MIER3: variants seen among roughly 807,000 people sequenced by gnomAD.
The protein encoded by MIER3 is mesoderm induction early response protein 3.
Under a neutral mutation model 63.2 loss-of-function variants are expected in MIER3, and 9 were observed. The observed-to-expected ratio is 0.14, with a 90% CI of 0.09 to 0.25. MIER3 has a LOEUF of 0.25. Among genes scored for constraint, MIER3 ranks in the 10% least tolerant of loss-of-function variants. MIER3 has a pLI of 1.00. For synonymous variants in MIER3, 205 were observed against 224.9 expected, an observed-to-expected ratio of 0.91 and a Z score of 0.79; for missense variants, 512 against 666.2, an observed-to-expected ratio of 0.77 and a Z score of 2.55.
intron 3 of MIER3, among the ~76,000 whole-genome samples, chr5:56,939,610 G>A (rs1750569782): frequency 6.6e-6 from 1 of 152,164 alleles, no homozygotes; most frequent in Non-Finnish European, 1.5e-5. Flanking sequence ...TGAGAAAACT[G>A]TGGCTTAATT....
Position 56,947,043 on chromosome 5 carries a change from A to G in MIER3, c.63T>C (p.Asp21=). Residue 21 remains aspartate, a synonymous_variant, in exon 3 of 13, where the codon GAT becomes GAC. Coordinates refer to ENST00000381199, the MANE Select transcript of MIER3 (RefSeq NM_001297599.2). ...PVGSLSSEDH[D]FDPTAEMLVH... ...CCAACATCTCAGCAGTGGGGTCAAA[A>G]TCATGATCCTCAGAAGACAAAGACC... 6.2e-7 allele frequency: 1 copy of G among 1,609,648 alleles called. No homozygotes were observed. The highest frequency in any genetic ancestry group is 8.5e-7 in the Non-Finnish European group (1 of 1,178,646).
intron 4 of MIER3, 91 bp from the exon 5 acceptor site, chr5:56,937,789 C>CAA: frequency 9.0e-7 from 1 of 1,110,344 alleles, no homozygotes; most frequent in Non-Finnish European, 1.2e-6. Context: ...CATTAAGAAG[C>CAA]AGTTGGAACC....
In MIER3 at chr5:56,938,934, A is replaced by G. The variant is rs201940726; in HGVS notation, c.264T>C (p.Asn88=). 1 of 1,614,120 alleles carries G rather than the reference A, an allele frequency of 6.2e-7. No homozygotes were observed. The highest frequency in any genetic ancestry group is 1.1e-5 in the South Asian group (1 of 91,082). Residue 88 remains asparagine, a synonymous_variant, in exon 4 of 13, where the codon AAT becomes AAC. Coordinates refer to ENST00000381199, the MANE Select transcript of MIER3 (RefSeq NM_001297599.2). ...TIPAVANSSA[N]SSPSELADEL... is the part of the protein sequence containing the mutation. ...CATCTGCCAGTTCACTTGGGGAACT[A>G]TTTGCACTGGAATTTGCAACTGCTG... is the stretch of plus-strand genomic sequence containing the variant.
At chr5:56,928,912 G>T in intron 9 of MIER3, 51 bp from the exon 10 acceptor site, 1 of 1,291,922 alleles carries the variant, frequency 7.7e-7, no homozygotes, top group Non-Finnish European at 1.1e-6. Context: ...TTTCTTATGT[G>T]AATCACTGAT....
chr5:56,930,028 A>T (rs967017592), intron 9 of MIER3, among the ~76,000 whole-genome samples: 1 of 152,224 alleles, frequency 6.6e-6, no homozygotes, highest in Non-Finnish European at 1.5e-5. Flanking sequence ...ATCTCAATTC[A>T]TAAGTTTAAA....
intron 7 of MIER3, 84 bp downstream of exon 7, chr5:56,935,344 T>C (rs1750405517): frequency 7.7e-6 from 8 of 1,035,510 alleles, no homozygotes; most frequent in Non-Finnish European, 1.1e-5. Flanking sequence ...TTGCCAAGGC[T>C]GGTATAAAGC....
At chr5:56,949,923 AC>A (rs1339313628) in intron 2 of MIER3, among the ~76,000 whole-genome samples, 1 of 152,214 alleles carries the variant, frequency 6.6e-6, no homozygotes, top group East Asian at 1.9e-4. Flanking sequence ...GTCCTTATGG[AC>A]CTGCTACAGG....
chr5:56,928,652 A>T, intron 10 of MIER3, 115 bp downstream of exon 10: 1 of 486,150 alleles, frequency 2.1e-6, no homozygotes, highest in Non-Finnish European at 3.5e-6. Flanking sequence ...GATATCTGAA[A>T]TGCTATAAGG....
chr5:56,949,173 T>A (rs958728179), intron 2 of MIER3, among the ~76,000 whole-genome samples: 8 of 152,138 alleles, frequency 5.3e-5, no homozygotes, highest in African/African-American at 1.7e-4. Context: ...CTAGCCAGCA[T>A]GGTGAAACCC....
chr5:56,924,635 A>G (rs76294617), intron 10 of MIER3, among the ~76,000 whole-genome samples: 3,031 of 152,282 alleles, frequency 0.02, 111 homozygotes, highest in African/African-American at 0.068. Context: ...TCCCTCCAGT[A>G]TGTTTGGTTT....
At chr5:56,946,290 T>C (rs1207637891) in intron 3 of MIER3, among the ~76,000 whole-genome samples, 1 of 152,172 alleles carries the variant, frequency 6.6e-6, no homozygotes, top group Non-Finnish European at 1.5e-5. Context: ...ATCCTACACG[T>C]TTTCAAGGTG....
chr5:56,951,702 G>T (rs976396983), intron 1 of MIER3, among the ~76,000 whole-genome samples: 22 of 152,114 alleles, frequency 1.4e-4, no homozygotes, highest in African/African-American at 4.6e-4. Context: ...GCCGCGGAGG[G>T]GGGGCTCCGC....
In MIER3 at chr5:56,923,505, T is replaced by C; in HGVS notation, c.1276A>G (p.Thr426Ala). 1 of 1,614,162 alleles carries C rather than the reference T, an allele frequency of 6.2e-7. No homozygotes were observed. The highest frequency in any genetic ancestry group is 8.5e-7 in the Non-Finnish European group (1 of 1,180,024). Residue 426 changes from threonine (T) to alanine (A), a missense_variant, in exon 13 of 13, where the codon ACA (threonine) becomes GCA (alanine). Coordinates refer to ENST00000381199, the MANE Select transcript of MIER3 (RefSeq NM_001297599.2). ...LDDSFPPLGN[T>A]PRGQVNHVPV... ...ACATGATTAACTTGTCCACGGGGTG[T>C]GTTGCCCAGTGGAGGAAAGCTATCA... is the stretch of plus-strand genomic sequence containing the variant.
Position 56,935,662 on chromosome 5 carries a change from T to C in MIER3, c.522+4A>G. 6.2e-7 allele frequency: 1 copy of C among 1,612,516 alleles called. No homozygotes were observed. On this transcript the variant is annotated splice_donor_region_variant and intron_variant, in intron 6 of 12. Transcript: ENST00000381199. ...ATTTAGTCCACTATATTAACTCAGC[T>C]TACCTTCCTCAAATCTTCAGGTGAA... is the stretch of plus-strand genomic sequence containing the variant.
chr5:56,930,624 T>A (rs1750228820), intron 9 of MIER3, 40 bp downstream of exon 9: 2 of 1,532,942 alleles, frequency 1.3e-6, no homozygotes, highest in Non-Finnish European at 1.8e-6. Context: ...CAAATGACCA[T>A]CCCTGTCATG....
At chr5:56,926,921 C>T (rs896387123) in intron 10 of MIER3, among the ~76,000 whole-genome samples, 2 of 151,980 alleles carry the variant, frequency 1.3e-5, no homozygotes, top group Non-Finnish European at 2.9e-5. Flanking sequence ...TCAAAACAAA[C>T]ACAAACAAAC....
At position 56,950,821 on chromosome 5, in the gene MIER3, G is replaced by A. The variant is rs1750998457; in HGVS notation, c.10-169C>T. Among the ~76,000 whole-genome samples, 3 of 152,144 alleles carry A rather than the reference G, an allele frequency of 2.0e-5. No homozygotes were observed. In the South Asian group the frequency reaches 6.2e-4, roughly 32 times the overall value. On this transcript the variant is annotated intron_variant, in intron 1 of 12. Transcript: ENST00000381199. ...CCGGCCCCTTTCGGGCCCCCTCTTG[G>A]CTGCCTCGCCTTCCTCCCCGAGTCC... is the stretch of plus-strand genomic sequence containing the variant.
At chr5:56,941,701 G>A (rs1750651897) in intron 3 of MIER3, 1 of 152,212 alleles carries the variant, frequency 6.6e-6, no homozygotes, top group African/African-American at 2.4e-5. Context: ...AGCCATTAGA[G>A]ACTCATAAAA....
rs187924378 is a variant in MIER3 at position 56,941,151 on chromosome 5, G to A, written c.181-2134C>T. 14 of 985,260 alleles carry A rather than the reference G, an allele frequency of 1.4e-5. No homozygotes were observed. The East Asian group carries it at 1.5e-3, about 104-fold the overall frequency. The allele number at this position is 985,260 out of a possible 1,614,324, so 61.0% of individuals were successfully genotyped here. A position where few individuals can be genotyped will look rare whatever the true frequency, so the allele number is the denominator to read the frequency against. On this transcript the variant is annotated intron_variant, in intron 3 of 12. Transcript: ENST00000381199. ...TCAGTCTTAGTGGGAGGAACTTAGT[G>A]GGAGTAAGTCTCAAAGTCTGTAAGG...
Sources: gnomAD v4.1 joint callset for allele counts (sites outside exome capture counted in the v4.1 genomes callset) on GRCh38, gnomAD v4.1.1 for gene constraint, MANE v1.5 for transcripts, NCBI Gene and HGNC (gene_info 2026-07-23, HGNC 2026-07-21) for gene names.